The following CRYBG1 variants were observed in gnomAD, a reference collection of about 807,000 sequenced individuals.
CRYBG1 encodes beta/gamma crystallin domain-containing protein 1.
CRYBG1 carries 139 observed loss-of-function variants against 189.2 expected under a neutral mutation model. The observed-to-expected ratio is 0.73, with a 90% confidence interval of 0.64 to 0.85. The LOEUF (loss-of-function observed/expected upper bound fraction) is 0.85, where lower values mean the gene tolerates loss of function less well. CRYBG1 is among the 40% of genes least tolerant of loss of function. The pLI is 0.00. For synonymous variants in CRYBG1, 1,023 were observed against 1,017.1 expected, an observed-to-expected ratio of 1.01 and a Z score of -0.11; for missense variants, 2,611 against 2,675.8, an observed-to-expected ratio of 0.98 and a Z score of 0.53.
intron 1 of CRYBG1, among the ~76,000 whole-genome samples, chr6:106,429,692 C>T (rs1535177): frequency 0.38 from 58,056 of 152,054 alleles, 11,881 homozygotes; most frequent in East Asian, 0.68. Context: ...TCCACAACTT[C>T]CTGTGGACTG....
chr6:106,381,775 G>A (rs1486226853), intron 1 of CRYBG1, among the ~76,000 whole-genome samples: 1 of 152,150 alleles, frequency 6.6e-6, no homozygotes, highest in Non-Finnish European at 1.5e-5. Flanking sequence ...CTGTTTCTCT[G>A]GTACTTTCTG....
chr6:106,511,928 C>A lies in CRYBG1; in HGVS notation c.811C>A (p.Pro271Thr). 2 of 1,525,290 alleles carry A rather than the reference C, an allele frequency of 1.3e-6. No individual in the cohort carries two copies. Among genetic ancestry groups the A allele is most frequent in the Non-Finnish European group, 1.8e-6 (2 of 1,140,110 alleles). 94.5% of individuals were successfully genotyped at this position (1,525,290 alleles called of 1,614,324 possible). ...CTCCAGGCAAGAGAACGCAGAGACG[C>A]CCGCCCGCAGTCCGGGGGAGGACGC... The part of the protein sequence containing the change: ...NSSRQENAET[P>T]ARSPGEDASP... The change falls in exon 3 of 22, where the codon CCC becomes ACC. Residue 271 changes from proline (P) to threonine (T), a missense_variant. Physicochemically the swap from Pro to Thr is conservative, Grantham distance 38. This residue lies in a region of CRYBG1 where 985 missense variants were observed against 924.4 expected (regional missense o/e 1.07). Coordinates refer to ENST00000633556, the MANE Select transcript of CRYBG1 (RefSeq NM_001371242.2).
Position 106,511,612 on chromosome 6 carries a change from T to A in CRYBG1, c.495T>A (p.Ser165Arg), listed in dbSNP as rs976597284. 6 of 1,532,850 alleles carry A rather than the reference T, an allele frequency of 3.9e-6. No individual in the cohort carries two copies. The highest frequency in any genetic ancestry group is 1.4e-5 in the African/African-American group (1 of 72,208). The allele number at this position is 1,532,850 out of a possible 1,614,324, so 95.0% of individuals were successfully genotyped here. ...CTCCTAAGCTCCCAGAGAGAGAGAG[T>A]GAGAGGAGCAGATCTCAGAGCAGCC... ...VASPKLPERESERSRSQSSQL... is the reference protein window; with the variant it reads ...VASPKLPERERERSRSQSSQL... The change falls in exon 3 of 22, where the codon AGT (serine) becomes AGA (arginine). Residue 165 changes from serine (S) to arginine (R), a missense_variant. By Grantham distance (110) the Ser-to-Arg change is moderately radical. Around this residue, in one of 3 missense-constraint regions of CRYBG1, gnomAD observed 985 missense variants for 924.4 expected, o/e 1.07. Transcript: ENST00000633556.
intron 16 of CRYBG1, among the ~76,000 whole-genome samples, chr6:106,554,321 A>G (rs1173983011): frequency 6.6e-6 from 1 of 152,224 alleles, no homozygotes; most frequent in Non-Finnish European, 1.5e-5. Flanking sequence ...GCATTCAAAT[A>G]CACAGATGGA....
chr6:106,394,507 G>A (rs1438772163), intron 1 of CRYBG1, among the ~76,000 whole-genome samples: 2 of 152,160 alleles, frequency 1.3e-5, no homozygotes, highest in African/African-American at 2.4e-5. Context: ...CTAAGGGATT[G>A]TTTTAGAGGC....
intron 1 of CRYBG1, among the ~76,000 whole-genome samples, chr6:106,440,424 C>A (rs9486343): frequency 4.0e-5 from 6 of 150,422 alleles, no homozygotes; most frequent in Admixed American, 2.6e-4. Flanking sequence ...ACCACCATGC[C>A]CAGCTAATTT....
intron 2 of CRYBG1, among the ~76,000 whole-genome samples, chr6:106,503,143 A>G (rs1483320130): frequency 1.3e-5 from 2 of 152,180 alleles, no homozygotes; most frequent in Non-Finnish European, 2.9e-5. Context: ...CACCCAACCC[A>G]GAGCCCAACT....
intron 1 of CRYBG1, among the ~76,000 whole-genome samples, chr6:106,398,604 T>C (rs1434707721): frequency 1.3e-5 from 2 of 152,222 alleles, no homozygotes; most frequent in South Asian, 2.1e-4. Context: ...CAAACACTTC[T>C]GTTAGGAGGC....
At chr6:106,492,928 T>A (rs1337183933) in intron 2 of CRYBG1, among the ~76,000 whole-genome samples, 1 of 152,044 alleles carries the variant, frequency 6.6e-6, no homozygotes, top group Non-Finnish European at 1.5e-5. Context: ...GGTAGGCAAA[T>A]GACCATTGAG....
rs764449966 is a variant in CRYBG1 at position 106,512,955 on chromosome 6, C to G, written c.1838C>G (p.Ala613Gly). The G allele has an allele frequency of 7.4e-6, 12 of 1,610,820 alleles. No homozygotes were observed. Among genetic ancestry groups the G allele is most frequent in the Non-Finnish European group, 1.0e-5 (12 of 1,179,184 alleles). Residue 613 changes from alanine to glycine, a missense_variant, in exon 3 of 22, where the codon GCG becomes GGG. Physicochemically the swap from Ala to Gly is moderately conservative, Grantham distance 60 (BLOSUM62 0). Coordinates refer to ENST00000633556, the MANE Select transcript of CRYBG1 (RefSeq NM_001371242.2). ...RSRELGRAAG[A>G]PGASDADGLK... Reference sequence around the variant, plus strand: ...AGAGAGCTGGGCAGAGCGGCCGGAGCGCCTGGAGCTTCTGACGCCGACGGC... The same window carrying G: ...AGAGAGCTGGGCAGAGCGGCCGGAGGGCCTGGAGCTTCTGACGCCGACGGC...
intron 1 of CRYBG1, among the ~76,000 whole-genome samples, chr6:106,439,483 A>G (rs953065843): frequency 7.2e-5 from 11 of 152,204 alleles, no homozygotes; most frequent in Admixed American, 2.0e-4. Flanking sequence ...ATTGTGCCCA[A>G]TTTTCACAAA....
At chr6:106,529,092 C>T (rs953383849) in intron 7 of CRYBG1, among the ~76,000 whole-genome samples, 2 of 152,014 alleles carry the variant, frequency 1.3e-5, no homozygotes, top group African/African-American at 2.4e-5. Context: ...ATTACAGGCA[C>T]ATGCCACAAC....
intron 2 of CRYBG1, among the ~76,000 whole-genome samples, chr6:106,492,550 AAAGG>A (rs931258388): frequency 5.3e-5 from 8 of 151,868 alleles, no homozygotes; most frequent in African/African-American, 1.2e-4. Context: ...AGAAGGAAGG[AAAGG>A]AAGGAAGGAA....
intron 13 of CRYBG1, among the ~76,000 whole-genome samples, chr6:106,550,170 G>A (rs986778619): frequency 5.3e-5 from 8 of 152,132 alleles, no homozygotes; most frequent in African/African-American, 1.9e-4. Context: ...TATATCTAGT[G>A]CCAGTCTAGT....
intron 1 of CRYBG1, among the ~76,000 whole-genome samples, chr6:106,436,290 A>C (rs895848504): frequency 1.7e-5 from 2 of 114,872 alleles, no homozygotes; most frequent in East Asian, 6.2e-4. Flanking sequence ...GTTGACATGC[A>C]ATCTCTTTTT....
rs975974668 is a variant in CRYBG1 at position 106,512,597 on chromosome 6, G to A, written c.1480G>A (p.Gly494Arg). 2.5e-6 allele frequency: 4 copies of A among 1,604,046 alleles called. No homozygotes were observed. The South Asian group carries it at 3.3e-5, about 13-fold the overall frequency. Residue 494 changes from glycine (G) to arginine (R), a missense_variant, in exon 3 of 22, where the codon GGG becomes AGG. Physicochemically the swap from Gly to Arg is moderately radical, Grantham distance 125. Coordinates refer to ENST00000633556, the MANE Select transcript of CRYBG1 (RefSeq NM_001371242.2). ...PESKPSPGTK[G>R]QLRGESDRSK... is the part of the protein sequence containing the mutation. The stretch of plus-strand genomic sequence containing the variant: ...GTCCAAGCCCAGCCCCGGTACCAAA[G>A]GGCAGCTCCGAGGGGAGTCGGACCG...
At chr6:106,465,712 T>C (rs1772102429) in intron 2 of CRYBG1, among the ~76,000 whole-genome samples, 1 of 152,216 alleles carries the variant, frequency 6.6e-6, no homozygotes, top group Admixed American at 6.5e-5. Flanking sequence ...ATTCATCTCA[T>C]TATTATGTTG....
At position 106,426,614 on chromosome 6, in the gene CRYBG1, T is replaced by C. The variant is rs138498715; in HGVS notation, c.174-25080T>C. 1.4e-3 allele frequency among the ~76,000 whole-genome samples: 214 copies of C among 152,288 alleles called. 2 individuals are homozygous for C. Among genetic ancestry groups the C allele is most frequent in the African/African-American group, 4.8e-3 (198 of 41,556 alleles). ...CACAGCCAACATCAGAATAATACTA[T>C]TTCTTGCCTGGGTTCTAGACAGATT... On this transcript the variant is annotated intron_variant, in intron 1 of 21. Transcript: ENST00000633556.
intron 16 of CRYBG1, among the ~76,000 whole-genome samples, chr6:106,555,536 C>T (rs555345884): frequency 6.6e-5 from 10 of 152,220 alleles, no homozygotes; most frequent in East Asian, 3.9e-4. Context: ...TCAGAAAGAA[C>T]GTGGAGAAAG....
Sources: gnomAD v4.1 joint callset for allele counts (sites outside exome capture counted in the v4.1 genomes callset) on GRCh38, gnomAD v4.1.1 for gene constraint, gnomAD v4.1.1 regional missense constraint, MANE v1.5 for transcripts, NCBI Gene and HGNC (gene_info 2026-07-23, HGNC 2026-07-21) for gene names.